The following MLIP variants were observed in gnomAD, a reference collection of about 807,000 sequenced individuals.
MLIP encodes the protein muscular LMNA interacting protein, also known as muscular LMNA-interacting protein.
MLIP carries 79 observed loss-of-function variants against 84.8 expected under a neutral mutation model. The ratio of observed to expected loss-of-function variants is 0.93; its 90% CI spans 0.78 to 1.12. The LOEUF is 1.12. Ranked by LOEUF, MLIP falls within the 50% of genes most tolerant of loss-of-function variation. MLIP has a pLI of 0.00. For synonymous variants in MLIP, 504 were observed against 463.0 expected (o/e 1.09, Z -1.14); for missense variants, 1,257 against 1,160.6 (o/e 1.08, Z -1.21).
At chr6:54,192,995 A>G (rs985996750) in intron 10 of MLIP, among the ~76,000 whole-genome samples, 2 of 152,192 alleles carry the variant, frequency 1.3e-5, no homozygotes, top group Non-Finnish European at 1.5e-5. Context: ...ATGCTTTCAA[A>G]TTTTTAACTT....
rs1771878857 is a variant in MLIP at position 54,137,178 on chromosome 6, C to A, written c.1109C>A (p.Thr370Lys). ...SASYIPVRIVTHSLSPSPKPF... is the reference protein window; with the variant it reads ...SASYIPVRIVKHSLSPSPKPF... ...TCGTACATACCAGTCCGCATTGTCA[C>A]GCATTCACTCTCTCCGAGCCCCAAA... Residue 370 changes from threonine (T) to lysine (K), a missense_variant, in exon 4 of 14, where the codon ACG (threonine) becomes AAG (lysine). Transcript: ENST00000502396. The A allele has an allele frequency of 6.5e-7, 1 of 1,536,100 alleles. No individual in the cohort carries two copies. The highest frequency in any genetic ancestry group is 8.7e-7 in the Non-Finnish European group (1 of 1,146,906).
intron 13 of MLIP, among the ~76,000 whole-genome samples, chr6:54,262,144 G>C (rs976319185): frequency 1.3e-5 from 2 of 152,090 alleles, no homozygotes; most frequent in African/African-American, 4.8e-5. Context: ...TGACTTTCTT[G>C]TGTTGTAAGC....
intron 1 of MLIP, among the ~76,000 whole-genome samples, chr6:54,048,734 GT>G (rs1276988246): frequency 2.0e-5 from 3 of 152,288 alleles, no homozygotes; most frequent in Admixed American, 6.5e-5. Context: ...ACATTATTAT[GT>G]TTGAAGTATC....
chr6:54,224,706 T>A (rs1438840717), intron 11 of MLIP, among the ~76,000 whole-genome samples: 2 of 151,970 alleles, frequency 1.3e-5, no homozygotes, highest in Non-Finnish European at 2.9e-5. Flanking sequence ...TACTGCACCA[T>A]TATATGTTGT....
intron 8 of MLIP, among the ~76,000 whole-genome samples, chr6:54,168,277 T>C (rs1010569340): frequency 1.3e-5 from 2 of 151,746 alleles, no homozygotes; most frequent in African/African-American, 2.4e-5. Context: ...GAAGTCTCCT[T>C]CAAATGTCAC....
intron 7 of MLIP, 52 bp from the exon 8 acceptor site, chr6:54,160,688 G>A (rs201931180): frequency 4.6e-6 from 7 of 1,510,602 alleles, no homozygotes; most frequent in South Asian, 1.1e-5. Flanking sequence ...TCACAGGCTT[G>A]TCCTTTTCTT....
intron 9 of MLIP, among the ~76,000 whole-genome samples, chr6:54,184,688 T>G (rs979897469): frequency 6.6e-6 from 1 of 152,142 alleles, no homozygotes; most frequent in Non-Finnish European, 1.5e-5. Context: ...TTATTTAATT[T>G]ATTTTTTTGA....
intron 9 of MLIP, among the ~76,000 whole-genome samples, 181 bp downstream of exon 9, chr6:54,169,753 GC>G (rs1430815351): frequency 6.6e-6 from 1 of 151,592 alleles, no homozygotes; most frequent in African/African-American, 2.4e-5. Context: ...CATCAGGTAA[GC>G]TTATCAAATA....
intron 1 of MLIP, among the ~76,000 whole-genome samples, chr6:54,096,667 A>G (rs1451666777): frequency 6.6e-6 from 1 of 151,494 alleles, no homozygotes; most frequent in Non-Finnish European, 1.5e-5. Context: ...TCATCACCCA[A>G]CTTCTCCCTC....
chr6:54,190,330 G>T (rs1332121688), intron 10 of MLIP, among the ~76,000 whole-genome samples: 1 of 152,084 alleles, frequency 6.6e-6, no homozygotes, highest in African/African-American at 2.4e-5. Flanking sequence ...GCATGCAAAT[G>T]GTCTAGATCA....
At chr6:54,145,003 C>T (rs1772653566) in intron 4 of MLIP, among the ~76,000 whole-genome samples, 1 of 152,096 alleles carries the variant, frequency 6.6e-6, no homozygotes, top group Non-Finnish European at 1.5e-5. Context: ...TAATAAAATG[C>T]CATTTTGTTT....
intron 1 of MLIP, among the ~76,000 whole-genome samples, chr6:54,087,008 TC>T (rs1249394169): frequency 6.6e-6 from 1 of 152,206 alleles, no homozygotes; most frequent in Non-Finnish European, 1.5e-5. Context: ...TTATCATCTA[TC>T]TCTCTCTTCT....
rs1771964018 is a variant in MLIP, at chr6:54,137,978, AAT to A, written c.1910_1911del (p.Asn637ThrfsTer13). 2 of 1,536,080 alleles carry A rather than the reference AAT, an allele frequency of 1.3e-6. No individual in the cohort carries two copies. Among genetic ancestry groups the A allele is most frequent in the Non-Finnish European group, 1.7e-6 (2 of 1,146,872 alleles). On this transcript the variant is annotated frameshift_variant, in exon 4 of 14. Coordinates refer to ENST00000502396, the MANE Select transcript of MLIP (RefSeq NM_001281747.2). LOFTEE classifies it high-confidence loss of function. ...ASSQLSGQEL[N>X]PSALPSLPVS... is the part of the protein sequence containing the mutation. ...ATCCCAACTATCTGGCCAGGAGCTG[AAT>A]CCTTCAGCTCTTCCTTCACTCCCTG...
chr6:54,247,120 T>C (rs1465681686), intron 12 of MLIP, among the ~76,000 whole-genome samples: 1 of 152,174 alleles, frequency 6.6e-6, no homozygotes, highest in African/African-American at 2.4e-5. Flanking sequence ...AGAATATATT[T>C]TAATCATCCC....
Position 54,069,478 on chromosome 6 carries a change from C to A in MLIP, c.63+50387C>A, listed in dbSNP as rs1766361485. Among the ~76,000 whole-genome samples, 3 of 100,000 alleles carry A rather than the reference C, an allele frequency of 3.0e-5. 1 individual carries two copies. In the South Asian group the frequency reaches 1.1e-3, roughly 36 times the overall value. 65.6% of individuals were successfully genotyped at this position (100,000 alleles called of 152,430 possible). On this transcript the variant is annotated intron_variant, in intron 1 of 12. Transcript: ENST00000274897. ...TCAAGGGGGATTGGTTTCAGTCCCT[C>A]TTGCAGGTAACAAAATCTGAGGATG...
Position 54,254,215 on chromosome 6 carries a change from C to T in MLIP, c.2923-3093C>T, listed in dbSNP as rs113455419. On this transcript the variant is annotated intron_variant, in intron 12 of 13. Coordinates refer to ENST00000502396, the MANE Select transcript of MLIP (RefSeq NM_001281747.2). The stretch of plus-strand genomic sequence containing the variant: ...GATCTTGGCTCACTGCAATCTCCAC[C>T]TCCCGGGTTCAAGCAATTCTCCTGC... Among the ~76,000 whole-genome samples, 973 of 151,198 alleles carry T rather than the reference C, an allele frequency of 6.4e-3. 14 individuals carry two copies. The highest frequency in any genetic ancestry group is 0.023 in the African/African-American group (924 of 41,050).
At chr6:54,026,422 G>T (rs1225726888) in intron 1 of MLIP, among the ~76,000 whole-genome samples, 3 of 152,150 alleles carry the variant, frequency 2.0e-5, no homozygotes, top group African/African-American at 7.2e-5. Context: ...TTTTGAATAA[G>T]AAATAATTCC....
intron 11 of MLIP, chr6:54,215,383 C>G: frequency 7.7e-7 from 1 of 1,291,144 alleles, no homozygotes. Flanking sequence ...TACTAATCAC[C>G]ATTTCTAATG....
intron 1 of MLIP, among the ~76,000 whole-genome samples, chr6:54,030,177 A>G (rs534111703): frequency 6.6e-6 from 1 of 152,298 alleles, no homozygotes; most frequent in African/African-American, 2.4e-5. Flanking sequence ...TTAACTTTTA[A>G]TTGTATTTTT....
Sources: allele counts gnomAD v4.1 joint callset (sites outside exome capture counted in the v4.1 genomes callset), GRCh38; gene constraint gnomAD v4.1.1; transcripts MANE v1.5; gene names NCBI Gene and HGNC (gene_info 2026-07-23, HGNC 2026-07-21).